MIPEP: variants seen among roughly 807,000 people sequenced by gnomAD.
The protein encoded by MIPEP is mitochondrial intermediate peptidase.
In MIPEP, 79 loss-of-function variants were observed where a neutral mutation model predicts 90.3. The ratio of observed to expected loss-of-function variants is 0.87; its 90% CI spans 0.73 to 1.05. The LOEUF (loss-of-function observed/expected upper bound fraction) is 1.05, where lower values mean the gene tolerates loss of function less well. Ranked by LOEUF, MIPEP falls within the 50% of genes least tolerant of loss-of-function variation. MIPEP has a pLI of 0.00. For synonymous variants in MIPEP, 334 were observed against 315.8 expected, an observed-to-expected ratio of 1.06 and a Z score of -0.61; for missense variants, 940 against 905.6, an observed-to-expected ratio of 1.04 and a Z score of -0.49.
At chr13:23,759,407 C>G (rs950707602) in intron 17 of MIPEP, among the ~76,000 whole-genome samples, 1 of 150,774 alleles carries the variant, frequency 6.6e-6, no homozygotes, top group Non-Finnish European at 1.5e-5. Context: ...GGATCCCCCG[C>G]AACCCCTCAG....
intron 14 of MIPEP, among the ~76,000 whole-genome samples, chr13:23,834,714 C>A (rs1868946620): frequency 6.6e-6 from 1 of 152,220 alleles, no homozygotes; most frequent in African/African-American, 2.4e-5. Context: ...CCTCCCCAGC[C>A]TCCCCAGTTC....
At chr13:23,846,516 T>C (rs1464165250) in intron 10 of MIPEP, among the ~76,000 whole-genome samples, 1 of 152,232 alleles carries the variant, frequency 6.6e-6, no homozygotes, top group East Asian at 1.9e-4. Context: ...AAAATTTGCA[T>C]ATACATAATG....
intron 16 of MIPEP, among the ~76,000 whole-genome samples, chr13:23,791,274 C>T (rs1952895523): frequency 6.6e-6 from 1 of 152,188 alleles, no homozygotes; most frequent in South Asian, 2.1e-4. Flanking sequence ...AGCACACAAC[C>T]ATCCCCACAG....
chr13:23,785,495 G>C, intron 16 of MIPEP, among the ~76,000 whole-genome samples: 1 of 135,092 alleles, frequency 7.4e-6, no homozygotes, highest in South Asian at 2.7e-4. Context: ...GGAGGGGGGA[G>C]GGAAAGCATT....
chr13:23,869,537 C>G, intron 6 of MIPEP, 89 bp from the exon 7 acceptor site: 1 of 1,191,224 alleles, frequency 8.4e-7, no homozygotes, highest in South Asian at 1.8e-5. Context: ...ACCACTTGAT[C>G]TGCAGATGAT....
intron 18 of MIPEP, among the ~76,000 whole-genome samples, chr13:23,738,917 T>C (rs1335933062): frequency 1.3e-5 from 2 of 152,184 alleles, no homozygotes; most frequent in Non-Finnish European, 2.9e-5. Flanking sequence ...TAATAAGCCT[T>C]CCCAGTGACT....
At chr13:23,815,158 C>CT (rs1489380304) in intron 14 of MIPEP, among the ~76,000 whole-genome samples, 3 of 152,178 alleles carry the variant, frequency 2.0e-5, no homozygotes, top group Non-Finnish European at 4.4e-5. Flanking sequence ...CTTTGACGAA[C>CT]TTTATTTACA....
intron 18 of MIPEP, among the ~76,000 whole-genome samples, chr13:23,741,986 C>G (rs1047058704): frequency 2.0e-5 from 3 of 152,298 alleles, no homozygotes; most frequent in African/African-American, 7.2e-5. Context: ...AAAAGAGCCT[C>G]AGGCTCCAAA....
intron 13 of MIPEP, 30 bp downstream of exon 13, chr13:23,837,522 T>C: frequency 6.7e-7 from 1 of 1,499,774 alleles, no homozygotes; most frequent in Non-Finnish European, 9.3e-7. Flanking sequence ...TAAAGGACTG[T>C]AGTAAATAAA....
intron 9 of MIPEP, among the ~76,000 whole-genome samples, chr13:23,859,800 C>G (rs954443932): frequency 6.6e-6 from 1 of 152,228 alleles, no homozygotes; most frequent in Non-Finnish European, 1.5e-5. Context: ...GTTGGCTACT[C>G]TCCTTATTAC....
intron 14 of MIPEP, among the ~76,000 whole-genome samples, chr13:23,824,679 T>G (rs1953345729): frequency 6.6e-6 from 1 of 152,232 alleles, no homozygotes; most frequent in Non-Finnish European, 1.5e-5. Context: ...TAGCTTGTTT[T>G]GATATAACCA....
chr13:23,787,054 G>C (rs1565993920), intron 16 of MIPEP, among the ~76,000 whole-genome samples: 1 of 152,166 alleles, frequency 6.6e-6, no homozygotes, highest in Non-Finnish European at 1.5e-5. Context: ...GAACGCCACA[G>C]CTTGACACGC....
At chr13:23,764,069 T>A (rs1351460939) in intron 16 of MIPEP, among the ~76,000 whole-genome samples, 2 of 152,244 alleles carry the variant, frequency 1.3e-5, no homozygotes, top group African/African-American at 4.8e-5. Context: ...TCCTAAGGGA[T>A]ATTTGTCAGA....
chr13:23,857,952 TC>T (rs1467410032), intron 10 of MIPEP, among the ~76,000 whole-genome samples: 6 of 151,948 alleles, frequency 3.9e-5, no homozygotes, highest in African/African-American at 1.5e-4. Context: ...AATACACGTA[TC>T]ATCACAGTAC....
intron 14 of MIPEP, among the ~76,000 whole-genome samples, chr13:23,815,969 C>T (rs1469356768): frequency 6.6e-6 from 1 of 152,198 alleles, no homozygotes; most frequent in African/African-American, 2.4e-5. Context: ...AAATGTATCT[C>T]ATGCTATAAG....
chr13:23,744,805 T>C (rs1028658547), intron 18 of MIPEP, among the ~76,000 whole-genome samples: 3 of 152,226 alleles, frequency 2.0e-5, no homozygotes, highest in African/African-American at 7.2e-5. Context: ...CATGAAGGAT[T>C]ACTTATCTTT....
chr13:23,810,001 A>T, intron 14 of MIPEP, 77 bp from the exon 15 acceptor site: 1 of 759,646 alleles, frequency 1.3e-6, no homozygotes, highest in Non-Finnish European at 2.2e-6. Flanking sequence ...CAGGAAATTT[A>T]AAAATAACAT....
chr13:23,888,978 CA>C, intron 1 of MIPEP, 153 bp downstream of exon 1: 1 of 711,638 alleles, frequency 1.4e-6, no homozygotes, highest in Non-Finnish European at 2.0e-6. Context: ...ACCTTGCCCT[CA>C]TCGAGAGCGC....
intron 14 of MIPEP, among the ~76,000 whole-genome samples, chr13:23,825,371 C>G (rs904458755): frequency 1.3e-5 from 2 of 152,200 alleles, no homozygotes. Flanking sequence ...AGATTTATTA[C>G]AAGTATGTAT....
Sources: allele counts gnomAD v4.1 joint callset (sites outside exome capture counted in the v4.1 genomes callset), GRCh38; gene constraint gnomAD v4.1.1; transcripts MANE v1.5; gene names NCBI Gene and HGNC (gene_info 2026-07-23, HGNC 2026-07-21).